SUMF2: variants seen among roughly 807,000 people sequenced by gnomAD.
SUMF2 encodes inactive C-alpha-formylglycine-generating enzyme 2.
In SUMF2, 45 loss-of-function variants were observed where a neutral mutation model predicts 44.8. That is an observed-to-expected ratio of 1.00 (90% CI 0.79 to 1.29). SUMF2 has a LOEUF of 1.29. Among genes scored for constraint, SUMF2 ranks in the 50% most tolerant of loss-of-function variants. The probability of loss-of-function intolerance (pLI) is 0.00; values close to 1 mark genes in which losing one functional copy is unlikely to be tolerated. For synonymous variants in SUMF2, 148 were observed against 150.4 expected (o/e 0.98, Z 0.12); for missense variants, 418 against 389.9 (o/e 1.07, Z -0.61).
Position 56,079,955 on chromosome 7 carries a change from C to G in SUMF2, c.*343C>G. ...AGCATTTTAAAATCTATTCTCTCCC[C>G]CTTTCTCCCTGGATGATTCAGGAAG... On this transcript the variant is annotated 3_prime_UTR_variant, in exon 9 of 9. Coordinates refer to ENST00000434526, the MANE Select transcript of SUMF2 (RefSeq NM_015411.4). 2.4e-6 allele frequency: 3 copies of G among 1,224,656 alleles called. No homozygotes were observed. The highest frequency in any genetic ancestry group is 3.4e-6 in the Non-Finnish European group (3 of 892,888). The allele number at this position is 1,224,656 out of a possible 1,614,324, so 75.9% of individuals were successfully genotyped here.
intron 1 of SUMF2, among the ~76,000 whole-genome samples, chr7:56,065,481 GT>G (rs1562857126): frequency 6.6e-6 from 1 of 152,146 alleles, no homozygotes; most frequent in Non-Finnish European, 1.5e-5. Flanking sequence ...CTCATAAATG[GT>G]TTTTAACGTT....
At chr7:56,083,649 C>T (rs780543664), downstream of SUMF2, 6 of 1,580,082 alleles carry the variant, frequency 3.8e-6, no homozygotes, top group East Asian at 2.3e-5. Context: ...GGGACCCTCA[C>T]CTGGTTTCCT....
At chr7:56,072,038 G>C (rs1360541685) in intron 2 of SUMF2, among the ~76,000 whole-genome samples, 1 of 151,136 alleles carries the variant, frequency 6.6e-6, no homozygotes, top group Non-Finnish European at 1.5e-5. Flanking sequence ...AACCCAGGAG[G>C]TGGAGGTTGC....
chr7:56,087,334 G>T, the SUMF2 span, among the ~76,000 whole-genome samples: 1 of 151,818 alleles, frequency 6.6e-6, no homozygotes, highest in Admixed American at 6.6e-5. Context: ...TGATGCTCCT[G>T]CTTCAGCCTC....
intron 5 of SUMF2, among the ~76,000 whole-genome samples, chr7:56,075,587 T>C (rs1328843636): frequency 6.6e-6 from 1 of 150,980 alleles, no homozygotes. Context: ...TAGTCCCAGC[T>C]ACTTGGGAGG....
downstream of SUMF2, chr7:56,084,367 C>T (rs561011588): frequency 1.8e-4 from 99 of 548,964 alleles, 2 homozygotes; most frequent in South Asian, 2.3e-3. Flanking sequence ...CGTGAGTATC[C>T]CGATTTTTTT....
rs1267612321 is a variant in SUMF2 at position 56,076,849 on chromosome 7, G to A, written c.551G>A (p.Trp184Ter). The change falls in exon 6 of 9, where the codon TGG (tryptophan) becomes TAG (stop). Residue 184 changes from tryptophan to a stop codon, truncating the protein, a stop_gained. Transcript: ENST00000434526. LOFTEE classifies it high-confidence loss of function. The part of the protein sequence containing the change: ...RGGLKGQVYP[W>*]GNWFQPNRTN... ...CTCCTCGCAGGTCAAGTTTACCCAT[G>A]GGGGAACTGGTTCCAGCCAAACCGC... is the stretch of plus-strand genomic sequence containing the variant. 2 of 1,601,482 alleles carry A rather than the reference G, an allele frequency of 1.2e-6. No individual in the cohort carries two copies. Among genetic ancestry groups the A allele is most frequent in the Admixed American group, 3.4e-5 (2 of 58,216 alleles).
the SUMF2 span, chr7:56,087,557 CAG>C: frequency 6.3e-6 from 10 of 1,589,668 alleles, no homozygotes; most frequent in South Asian, 7.8e-5. Context: ...GGCAGAATCA[CAG>C]GGGGGCACCC....
chr7:56,074,780 C>T, intron 5 of SUMF2, 44 bp downstream of exon 5: 12 of 1,610,668 alleles, frequency 7.5e-6, no homozygotes, highest in Non-Finnish European at 1.0e-5. Flanking sequence ...TTCTCCCCAT[C>T]CTGCCCAGCA....
chr7:56,082,185 C>T, downstream of SUMF2: 1 of 1,613,968 alleles, frequency 6.2e-7, no homozygotes, highest in Non-Finnish European at 8.5e-7. Flanking sequence ...TTCCCGTAGC[C>T]CGGGTGGTCC....
chr7:56,068,789 A>T, intron 2 of SUMF2, 151 bp downstream of exon 2: 2 of 819,642 alleles, frequency 2.4e-6, no homozygotes. Context: ...TGCAACCTCC[A>T]CCTCCCGGGT....
At chr7:56,081,416 C>T, downstream of SUMF2, 1 of 1,369,340 alleles carries the variant, frequency 7.3e-7, no homozygotes, top group Non-Finnish European at 9.8e-7. The surrounding 1 kb of genome is among the most constrained non-coding windows in gnomAD (Gnocchi z 4.6). Flanking sequence ...TTCTGCGGGG[C>T]CTTCCTAGTG....
intron 8 of SUMF2, chr7:56,079,290 C>T (rs1178687595): frequency 8.8e-6 from 5 of 569,446 alleles, no homozygotes; most frequent in Non-Finnish European, 1.2e-5. Context: ...GGCCACTGTC[C>T]CTCCCCCTAC....
downstream of SUMF2, among the ~76,000 whole-genome samples, chr7:56,084,688 T>C (rs1796180205): frequency 6.6e-6 from 1 of 152,102 alleles, no homozygotes; most frequent in Admixed American, 6.5e-5. Context: ...TCCCGATTTT[T>C]TCCCAGGAAA....
chr7:56,068,289 C>T (rs747844995), intron 1 of SUMF2, among the ~76,000 whole-genome samples, 193 bp from the exon 2 acceptor site: 3 of 152,036 alleles, frequency 2.0e-5, no homozygotes, highest in African/African-American at 7.2e-5. Flanking sequence ...CCCGCCTCGG[C>T]CTCTCAAAGT....
At chr7:56,071,380 T>G (rs1178911105) in intron 2 of SUMF2, among the ~76,000 whole-genome samples, 3 of 151,832 alleles carry the variant, frequency 2.0e-5, no homozygotes, top group Non-Finnish European at 4.4e-5. Flanking sequence ...TTAAAATAAA[T>G]CAGGAGGCTG....
Position 56,068,506 on chromosome 7 carries a change from T to G in SUMF2, c.92T>G (p.Val31Gly). The G allele has an allele frequency of 6.2e-7, 1 of 1,613,496 alleles. No homozygotes were observed. Among genetic ancestry groups the G allele is most frequent in the Non-Finnish European group, 8.5e-7 (1 of 1,179,826 alleles). The change falls in exon 2 of 9, where the codon GTC (valine) becomes GGC (glycine). Residue 31 changes from valine (V) to glycine (G), a missense_variant. Transcript: ENST00000434526. ...GGAAATGGACAGGCTACTAGCATGG[T>G]CCAACTGCAGGGTGGGAGATTCCTG... ...KLGNGQATSM[V>G]QLQGGRFLMG...
chr7:56,075,698 C>CA lies in SUMF2; in HGVS notation c.535+977dup, dbSNP rs749604404. 9.1e-3 allele frequency among the ~76,000 whole-genome samples: 904 copies of CA among 98,934 alleles called. 10 individuals are homozygous for CA. Among genetic ancestry groups the CA allele is most frequent in the South Asian group, 0.034 (96 of 2,798 alleles). 64.9% of individuals were successfully genotyped at this position (98,934 alleles called of 152,430 possible). ...TGGGCGACAGAGTAAGACTCCGTCT[C>CA]AAAAAAAAAAAAAAAGAATCACTGT... On this transcript the variant is annotated intron_variant, in intron 5 of 8. Transcript: ENST00000434526.
chr7:56,076,558 C>T, intron 5 of SUMF2: 1 of 349,504 alleles, frequency 2.9e-6, no homozygotes, highest in Non-Finnish European at 5.2e-6. Flanking sequence ...CTGTACTTTT[C>T]TCAACATGAA....
Sources: allele counts gnomAD v4.1 joint callset (sites outside exome capture counted in the v4.1 genomes callset), GRCh38; gene constraint gnomAD v4.1.1; non-coding constraint Gnocchi (gnomAD v3.1); transcripts MANE v1.5; gene names NCBI Gene and HGNC (gene_info 2026-07-23, HGNC 2026-07-21).